Variants in SGCZ observed in about 807,000 individuals in gnomAD.
The protein encoded by SGCZ is zeta-sarcoglycan.
In SGCZ, 40 loss-of-function variants were observed where a neutral mutation model predicts 41.3. That is an observed-to-expected ratio of 0.97 (90% confidence interval 0.75 to 1.26). The LOEUF is 1.26. SGCZ is among the 50% of genes most tolerant of loss of function. The pLI, the probability that SGCZ is intolerant of heterozygous loss-of-function variation, is 0.00. For synonymous variants in SGCZ, 206 were observed against 137.5 expected (o/e 1.50, Z -3.49); for missense variants, 552 against 369.8 (o/e 1.49, Z -4.04).
intron 1 of SGCZ, among the ~76,000 whole-genome samples, chr8:14,713,229 A>G (rs1257283682): frequency 2.0e-5 from 3 of 152,220 alleles, no homozygotes; most frequent in Non-Finnish European, 4.4e-5. Flanking sequence ...AATTAAATGC[A>G]TGTCCAAGCG....
At chr8:14,283,026 T>A (rs4831572) in intron 3 of SGCZ, among the ~76,000 whole-genome samples, 70,791 of 148,948 alleles carry the variant, frequency 0.48, 17,322 homozygotes, top group Non-Finnish European at 0.51. Flanking sequence ...ATTTTTTGTA[T>A]TTTTAGTAGA....
At chr8:14,789,607 G>C (rs1432853163) in intron 1 of SGCZ, among the ~76,000 whole-genome samples, 1 of 152,100 alleles carries the variant, frequency 6.6e-6, no homozygotes, top group Non-Finnish European at 1.5e-5. Context: ...GTGGAGTCAT[G>C]ATTCTCTCCC....
chr8:14,672,498 G>A (rs564543578), intron 1 of SGCZ, among the ~76,000 whole-genome samples: 206 of 152,242 alleles, frequency 1.4e-3, no homozygotes, highest in African/African-American at 4.2e-3. Context: ...TAGAATATAT[G>A]TTTTAAAGAT....
intron 1 of SGCZ, among the ~76,000 whole-genome samples, chr8:15,082,010 T>C (rs1563492356): frequency 6.6e-6 from 1 of 152,134 alleles, no homozygotes; most frequent in Non-Finnish European, 1.5e-5. Context: ...AATGTAATTT[T>C]CTTAAGAATA....
chr8:14,527,333 G>C (rs1281202740), intron 2 of SGCZ, among the ~76,000 whole-genome samples: 1 of 152,118 alleles, frequency 6.6e-6, no homozygotes, highest in East Asian at 1.9e-4. Context: ...GTGGGGTCTT[G>C]TTCTGTCATC....
chr8:14,480,929 A>G (rs529332950), intron 2 of SGCZ, among the ~76,000 whole-genome samples: 1 of 152,190 alleles, frequency 6.6e-6, no homozygotes, highest in Non-Finnish European at 1.5e-5. Context: ...ATTCTTATAA[A>G]AGACTTGTAA....
intron 1 of SGCZ, among the ~76,000 whole-genome samples, chr8:15,196,088 G>A (rs1273406796): frequency 1.4e-5 from 2 of 138,840 alleles, no homozygotes; most frequent in African/African-American, 5.4e-5. Context: ...TAGTAGAGAC[G>A]GGGTTTCACC....
chr8:14,302,677 A>G (rs1014588085), intron 3 of SGCZ, among the ~76,000 whole-genome samples: 2 of 152,088 alleles, frequency 1.3e-5, no homozygotes, highest in African/African-American at 4.8e-5. Context: ...GAATACTTCT[A>G]TTAAAATGTC....
chr8:14,922,016 G>A (rs377294405), intron 1 of SGCZ, among the ~76,000 whole-genome samples: 2 of 152,036 alleles, frequency 1.3e-5, no homozygotes, highest in African/African-American at 2.4e-5. Context: ...TTTTATTTAT[G>A]TGAATACCCT....
At position 14,087,015 on chromosome 8, in the gene SGCZ, G is replaced by GC. The variant is rs1563116785; in HGVS notation, c.*3427dup. Among the ~76,000 whole-genome samples the GC allele has an allele frequency of 1.3e-5, 2 of 151,594 alleles. No individual in the cohort carries two copies. The highest frequency in any genetic ancestry group is 4.8e-5 in the African/African-American group (2 of 41,372). On this transcript the variant is annotated 3_prime_UTR_variant, in exon 8 of 8. Coordinates refer to ENST00000382080, the MANE Select transcript of SGCZ (RefSeq NM_139167.4). The stretch of plus-strand genomic sequence containing the variant: ...TTAAGTAGGTAAGTTCACATGACTA[G>GC]CCAGGGGCAGAACTAGAACTGGAAT...
At chr8:14,522,891 G>A (rs1440138055) in intron 2 of SGCZ, among the ~76,000 whole-genome samples, 1 of 151,424 alleles carries the variant, frequency 6.6e-6, no homozygotes, top group African/African-American at 2.4e-5. Context: ...ATTTTAATGA[G>A]TTTCAGAAAA....
chr8:14,595,429 A>ACAC (rs1190330782), intron 1 of SGCZ, among the ~76,000 whole-genome samples: 228 of 151,864 alleles, frequency 1.5e-3, no homozygotes, highest in African/African-American at 5.3e-3. Flanking sequence ...ACACACACAC[A>ACAC]CACACACACA....
chr8:14,353,607 C>T (rs1410396843), intron 2 of SGCZ, among the ~76,000 whole-genome samples: 1 of 152,076 alleles, frequency 6.6e-6, no homozygotes, highest in Non-Finnish European at 1.5e-5. Flanking sequence ...GTCTTCCTTT[C>T]ACTATGCTGT....
chr8:15,011,469 A>G (rs1255872753), intron 1 of SGCZ, among the ~76,000 whole-genome samples: 1 of 152,208 alleles, frequency 6.6e-6, no homozygotes, highest in African/African-American at 2.4e-5. Context: ...TTTTCCAAAG[A>G]TTTTATAAAC....
intron 2 of SGCZ, among the ~76,000 whole-genome samples, chr8:14,431,703 A>G (rs942908166): frequency 6.6e-6 from 1 of 152,238 alleles, no homozygotes; most frequent in Non-Finnish European, 1.5e-5. Context: ...TAATTAAATG[A>G]AAGAACTTTT....
At chr8:14,769,763 C>T (rs1429476208) in intron 1 of SGCZ, among the ~76,000 whole-genome samples, 1 of 133,270 alleles carries the variant, frequency 7.5e-6, no homozygotes, top group Non-Finnish European at 1.5e-5. Context: ...CCATTGCACT[C>T]CATCCTGGGC....
intron 1 of SGCZ, among the ~76,000 whole-genome samples, chr8:14,574,804 A>G (rs970216122): frequency 6.6e-6 from 1 of 152,208 alleles, no homozygotes; most frequent in African/African-American, 2.4e-5. Context: ...TTTACCCACT[A>G]CAGTAATATT....
At chr8:14,699,504 T>G (rs2117593062) in intron 1 of SGCZ, among the ~76,000 whole-genome samples, 1 of 151,888 alleles carries the variant, frequency 6.6e-6, no homozygotes, top group African/African-American at 2.4e-5. Context: ...GACCTAAAAC[T>G]ATAAAAACTA....
rs1319696423 is a variant in SGCZ at position 15,103,261 on chromosome 8, C to T, written c.39+134324G>A. ...ACTAAAAATACAAAAATTAGCAAGGCATGATGGCGCATGCCTGTATACCCA... is the reference window on the plus strand; with the variant it reads ...ACTAAAAATACAAAAATTAGCAAGGTATGATGGCGCATGCCTGTATACCCA... On this transcript the variant is annotated intron_variant, in intron 1 of 7. Transcript: ENST00000382080. 3.3e-5 allele frequency among the ~76,000 whole-genome samples: 5 copies of T among 152,000 alleles called. No homozygotes were observed. In the East Asian group the frequency reaches 9.7e-4, roughly 29 times the overall value.
Sources: allele counts gnomAD v4.1 joint callset (sites outside exome capture counted in the v4.1 genomes callset), GRCh38; gene constraint gnomAD v4.1.1; transcripts MANE v1.5; gene names NCBI Gene and HGNC (gene_info 2026-07-23, HGNC 2026-07-21).